Variants in RALGPS2 observed in about 807,000 individuals in gnomAD.
RALGPS2 encodes the protein Ral GEF with PH domain and SH3 binding motif 2, also known as ras-specific guanine nucleotide-releasing factor RalGPS2.
A neutral mutation model predicts 86.8 loss-of-function variants in RALGPS2; 43 were observed. That is an observed-to-expected ratio of 0.50 (90% CI 0.39 to 0.64). RALGPS2 has a LOEUF of 0.64. Among genes scored for constraint, RALGPS2 ranks in the 30% least tolerant of loss-of-function variants. The pLI, the probability that RALGPS2 is intolerant of heterozygous loss-of-function variation, is 0.00. For synonymous variants in RALGPS2, 243 were observed against 231.3 expected (o/e 1.05, Z -0.46); for missense variants, 536 against 694.6 (o/e 0.77, Z 2.57).
chr1:178,854,578 A>G (rs918902032), intron 8 of RALGPS2, among the ~76,000 whole-genome samples: 1 of 152,120 alleles, frequency 6.6e-6, no homozygotes, highest in Non-Finnish European at 1.5e-5. Flanking sequence ...AGTTGTATCA[A>G]TCTGTATGAC....
chr1:178,836,927 C>T (rs924023348), intron 8 of RALGPS2, among the ~76,000 whole-genome samples: 4 of 152,068 alleles, frequency 2.6e-5, no homozygotes, highest in Non-Finnish European at 4.4e-5. Flanking sequence ...TACAGGTGTG[C>T]ACCACCAAGC....
chr1:178,852,754 G>A lies in RALGPS2; in HGVS notation c.607+19204G>A, dbSNP rs763830126. 9.3e-6 allele frequency: 15 copies of A among 1,613,890 alleles called. No individual in the cohort carries two copies. The East Asian group carries it at 2.2e-4, about 24-fold the overall frequency. On this transcript the variant is annotated intron_variant, in intron 8 of 19. Coordinates refer to ENST00000367635, the MANE Select transcript of RALGPS2 (RefSeq NM_152663.5). ...ATTATGCCACATCATAGAATCCCCT[G>A]CATTTCCCTGGTAAGTTCCCAGGCG...
chr1:178,836,023 T>C (rs532460971), intron 8 of RALGPS2, among the ~76,000 whole-genome samples: 9 of 152,302 alleles, frequency 5.9e-5, no homozygotes, highest in Admixed American at 4.6e-4. Flanking sequence ...TTGGGGACCT[T>C]CTTGTACTCT....
At chr1:178,812,629 C>T (rs1655035767) in intron 6 of RALGPS2, among the ~76,000 whole-genome samples, 1 of 152,114 alleles carries the variant, frequency 6.6e-6, no homozygotes, top group Non-Finnish European at 1.5e-5. Flanking sequence ...TTTTGGTTTC[C>T]TTTAATGTTA....
At chr1:178,878,821 T>G in intron 9 of RALGPS2, 81 bp from the exon 10 acceptor site, 4 of 1,547,928 alleles carry the variant, frequency 2.6e-6, no homozygotes, top group Non-Finnish European at 3.5e-6. Flanking sequence ...TTAATTTACC[T>G]TTAAGTTATT....
In RALGPS2 at chr1:178,772,827, G is replaced by A. The variant is rs151157239; in HGVS notation, c.-83-3855G>A. Among the ~76,000 whole-genome samples the A allele has an allele frequency of 2.6e-5, 4 of 152,066 alleles. No homozygotes were observed. The East Asian group carries it at 5.8e-4, about 22-fold the overall frequency. ...TTATTTTTAAACATTTTTTTGAGGC[G>A]GAGTCTCGCTGTCTCCCAAGGTGGA... On this transcript the variant is annotated intron_variant, in intron 1 of 19. Coordinates refer to ENST00000367635, the MANE Select transcript of RALGPS2 (RefSeq NM_152663.5).
At chr1:178,866,396 C>G (rs1010174316) in intron 8 of RALGPS2, among the ~76,000 whole-genome samples, 12 of 152,088 alleles carry the variant, frequency 7.9e-5, no homozygotes, top group Admixed American at 5.2e-4. Context: ...GTTTTAGCAT[C>G]ACATGCTTTT....
chr1:178,839,354 T>C (rs1656461070), intron 8 of RALGPS2, among the ~76,000 whole-genome samples: 1 of 152,186 alleles, frequency 6.6e-6, no homozygotes, highest in African/African-American at 2.4e-5. Context: ...TGAGGGCCAA[T>C]ATTCAGCATT....
At chr1:178,877,024 TGTCA>T (rs1419321801) in intron 8 of RALGPS2, among the ~76,000 whole-genome samples, 1 of 152,160 alleles carries the variant, frequency 6.6e-6, no homozygotes, top group African/African-American at 2.4e-5. Flanking sequence ...AATTTCCCTA[TGTCA>T]GTCAGTGGCT....
At chr1:178,746,191 T>C (rs180863522) in intron 1 of RALGPS2, among the ~76,000 whole-genome samples, 8 of 152,174 alleles carry the variant, frequency 5.3e-5, no homozygotes, top group Non-Finnish European at 5.9e-5. Flanking sequence ...AAATCAAATA[T>C]GTGATTAAGG....
rs1442148462 is a variant in RALGPS2, at chr1:178,918,275, C to T, written c.*1916C>T. 5 of 152,130 alleles carry T rather than the reference C, an allele frequency of 3.3e-5. No homozygotes were observed. Among genetic ancestry groups the T allele is most frequent in the African/African-American group, 1.2e-4 (5 of 41,444 alleles). 9.4% of individuals were successfully genotyped at this position (152,130 alleles called of 1,614,324 possible). On this transcript the variant is annotated 3_prime_UTR_variant, in exon 20 of 20. Coordinates refer to ENST00000367635, the MANE Select transcript of RALGPS2 (RefSeq NM_152663.5). ...GTATTACTACGTAGACCTTGCACAT[C>T]TTACTTTTGTTTTGCATTTTTAAAA...
chr1:178,766,716 G>C (rs1229986480), intron 1 of RALGPS2, among the ~76,000 whole-genome samples: 1 of 152,130 alleles, frequency 6.6e-6, no homozygotes, highest in Admixed American at 6.5e-5. Flanking sequence ...TCGGATGACT[G>C]TGTGTCTTGG....
At chr1:178,850,461 T>G (rs1449219880) in intron 8 of RALGPS2, 1 of 152,188 alleles carries the variant, frequency 6.6e-6, no homozygotes, top group African/African-American at 2.4e-5. Flanking sequence ...CATAGATTTG[T>G]CTTTATAAAT....
intron 5 of RALGPS2, 58 bp from the exon 6 acceptor site, chr1:178,811,257 C>CA (rs967289130): frequency 3.4e-5 from 46 of 1,365,016 alleles, no homozygotes; most frequent in East Asian, 5.4e-5. Context: ...TAAAATACAG[C>CA]AAAAAAACTT....
chr1:178,914,188 G>A (rs1159936285), intron 19 of RALGPS2, among the ~76,000 whole-genome samples: 1 of 152,166 alleles, frequency 6.6e-6, no homozygotes, highest in Non-Finnish European at 1.5e-5. Context: ...ACCTAGAGGA[G>A]TATGAAGAGC....
At chr1:178,728,609 A>G (rs922913331) in intron 1 of RALGPS2, among the ~76,000 whole-genome samples, 7 of 152,128 alleles carry the variant, frequency 4.6e-5, no homozygotes, top group African/African-American at 1.4e-4. Context: ...AAGATAATTC[A>G]AATAGCTTGA....
At chr1:178,761,154 T>C (rs1652218860) in intron 1 of RALGPS2, among the ~76,000 whole-genome samples, 1 of 152,064 alleles carries the variant, frequency 6.6e-6, no homozygotes, top group Non-Finnish European at 1.5e-5. Flanking sequence ...TTTGTGTTTT[T>C]AGTAGAGACA....
At chr1:178,891,371 C>G (rs1287884481) in intron 14 of RALGPS2, among the ~76,000 whole-genome samples, 1 of 152,078 alleles carries the variant, frequency 6.6e-6, no homozygotes, top group East Asian at 1.9e-4. Context: ...GAAAAATGTA[C>G]TCTGAATGTT....
At chr1:178,802,869 C>G (rs1654547823) in intron 4 of RALGPS2, among the ~76,000 whole-genome samples, 2 of 151,764 alleles carry the variant, frequency 1.3e-5, no homozygotes, top group Admixed American at 6.6e-5. Context: ...TCACGCCATC[C>G]CTAGCTTTTT....
Sources: gnomAD v4.1 joint callset for allele counts (sites outside exome capture counted in the v4.1 genomes callset) on GRCh38, gnomAD v4.1.1 for gene constraint, MANE v1.5 for transcripts, NCBI Gene and HGNC (gene_info 2026-07-23, HGNC 2026-07-21) for gene names.